The following STARD13 variants were observed in gnomAD, a reference collection of about 807,000 sequenced individuals.
STARD13 encodes the protein StAR related lipid transfer domain containing 13.
A neutral mutation model predicts 106.4 loss-of-function variants in STARD13; 62 were observed. That is an observed-to-expected ratio of 0.58 (90% CI 0.48 to 0.72). The LOEUF (loss-of-function observed/expected upper bound fraction) is 0.72. Among genes scored for constraint, STARD13 ranks in the 30% least tolerant of loss-of-function variants. The pLI is 0.00. For missense variants in STARD13, 1,387 were observed against 1,424.0 expected (o/e 0.97, Z 0.42); for synonymous variants, 565 against 553.0 (o/e 1.02, Z -0.31).
At chr13:33,273,307 G>A (rs143427737) in intron 1 of STARD13, among the ~76,000 whole-genome samples, 15 of 152,282 alleles carry the variant, frequency 9.9e-5, no homozygotes, top group African/African-American at 1.9e-4. Flanking sequence ...TATGACAACC[G>A]TTTTTCAGGG....
At chr13:33,110,662 T>C in intron 11 of STARD13, 24 bp downstream of exon 11, 1 of 1,596,850 alleles carries the variant, frequency 6.3e-7, no homozygotes, top group African/African-American at 1.3e-5. Context: ...CTGGGGGTGA[T>C]CTTTTTCCAT....
At chr13:33,614,008 A>T in the STARD13 span, among the ~76,000 whole-genome samples, 2 of 152,236 alleles carry the variant, frequency 1.3e-5, no homozygotes, top group Non-Finnish European at 2.9e-5. Flanking sequence ...AGTGCACATG[A>T]ACATAGTCAG....
At chr13:33,542,013 G>C in the STARD13 span, among the ~76,000 whole-genome samples, 131,564 of 152,260 alleles carry the variant, frequency 0.86, 57,013 homozygotes, top group African/African-American at 0.89. Context: ...GGCCACACCA[G>C]AAAACACAGA....
intron 7 of STARD13, among the ~76,000 whole-genome samples, chr13:33,121,240 G>A (rs1022336841): frequency 6.6e-6 from 1 of 152,118 alleles, no homozygotes; most frequent in Non-Finnish European, 1.5e-5. Flanking sequence ...ACACTGTGAC[G>A]GCAACGAGTG....
At chr13:33,179,692 G>A (rs971295563) in intron 1 of STARD13, among the ~76,000 whole-genome samples, 1 of 152,142 alleles carries the variant, frequency 6.6e-6, no homozygotes, top group Admixed American at 6.5e-5. Context: ...AACCAAGCAG[G>A]GATAGACAAA....
At chr13:33,666,030 G>C in the STARD13 span, among the ~76,000 whole-genome samples, 3 of 152,216 alleles carry the variant, frequency 2.0e-5, no homozygotes, top group Admixed American at 2.0e-4. Context: ...AGAAAGAGAA[G>C]CTGCTGCTAA....
the STARD13 span, among the ~76,000 whole-genome samples, chr13:33,606,028 G>A: frequency 4.5e-4 from 69 of 152,284 alleles, 1 homozygote; most frequent in South Asian, 0.014. Context: ...GGCCAAGCAC[G>A]GTGGGTCGTG....
chr13:33,371,425 GT>G, the STARD13 span, among the ~76,000 whole-genome samples: 49 of 152,282 alleles, frequency 3.2e-4, no homozygotes, highest in Admixed American at 5.2e-4. Context: ...TTTAAGCATT[GT>G]TTTTTCATGG....
At chr13:33,452,827 G>C in the STARD13 span, among the ~76,000 whole-genome samples, 1 of 152,172 alleles carries the variant, frequency 6.6e-6, no homozygotes, top group Non-Finnish European at 1.5e-5. Flanking sequence ...GAGTAACCTG[G>C]AACAGCGATG....
At chr13:33,465,809 GGATAATGTCTATTACATTAACGA>G in the STARD13 span, among the ~76,000 whole-genome samples, 1 of 152,074 alleles carries the variant, frequency 6.6e-6, no homozygotes, top group Non-Finnish European at 1.5e-5. Flanking sequence ...GTCCATGTAA[GGATAATGTCTATTACATTAACGA>G]GATACATGCA....
rs1426096060 is a variant in STARD13 at position 33,198,601 on chromosome 13, A to G, written c.170-30979T>C. Among the ~76,000 whole-genome samples the G allele has an allele frequency of 2.6e-5, 4 of 152,068 alleles. No homozygotes were observed. The East Asian group carries it at 5.8e-4, about 22-fold the overall frequency. On this transcript the variant is annotated intron_variant, in intron 1 of 13. Coordinates refer to ENST00000336934, the MANE Select transcript of STARD13 (RefSeq NM_178006.4). ...TTATTCCTTCTCTTTATCAGTTATC[A>G]CTAAAATAAACATAGTTCATTTATT... is the stretch of plus-strand genomic sequence containing the variant.
At chr13:33,192,712 A>G (rs778395091) in intron 1 of STARD13, among the ~76,000 whole-genome samples, 16 of 152,188 alleles carry the variant, frequency 1.1e-4, no homozygotes, top group Non-Finnish European at 1.9e-4. Flanking sequence ...CAACCTGACT[A>G]AAATGGAGAA....
At chr13:33,592,721 CA>C in the STARD13 span, among the ~76,000 whole-genome samples, 1 of 152,184 alleles carries the variant, frequency 6.6e-6, no homozygotes, top group Non-Finnish European at 1.5e-5. Context: ...CTTCCCAGTC[CA>C]ATTTTCTGAC....
chr13:33,476,164 G>A, the STARD13 span, among the ~76,000 whole-genome samples: 8 of 151,792 alleles, frequency 5.3e-5, no homozygotes, highest in African/African-American at 9.7e-5. Flanking sequence ...ATATTGACTC[G>A]GATTTCCCTC....
Position 33,196,629 on chromosome 13 carries a change from G to C in STARD13, c.170-29007C>G, listed in dbSNP as rs554001416. Among the ~76,000 whole-genome samples the C allele has an allele frequency of 1.8e-4, 28 of 152,288 alleles. No homozygotes were observed. The South Asian group carries it at 5.6e-3, about 30-fold the overall frequency. On this transcript the variant is annotated intron_variant, in intron 1 of 13. Transcript: ENST00000336934. ...CGGCAGCCGACATGGACTCGATTGAGAGACTGTGAGCTACATTGCTTATCT... is the reference window on the plus strand; with the variant it reads ...CGGCAGCCGACATGGACTCGATTGACAGACTGTGAGCTACATTGCTTATCT...
the STARD13 span, among the ~76,000 whole-genome samples, chr13:33,488,628 T>A: frequency 6.6e-6 from 1 of 152,242 alleles, no homozygotes; most frequent in African/African-American, 2.4e-5. Context: ...ATGAATTCTA[T>A]GCTTTTTCTT....
chr13:33,631,936 A>G, the STARD13 span, among the ~76,000 whole-genome samples: 2 of 152,220 alleles, frequency 1.3e-5, no homozygotes, highest in African/African-American at 4.8e-5. Context: ...TGAAATAAGA[A>G]GAAAATCACC....
intron 1 of STARD13, among the ~76,000 whole-genome samples, chr13:33,167,987 T>A (rs1323277771): frequency 7.0e-6 from 1 of 142,734 alleles, no homozygotes; most frequent in Non-Finnish European, 1.5e-5. Flanking sequence ...ATTCTTTTTT[T>A]TTTTAATGGA....
At chr13:33,578,861 A>G in the STARD13 span, among the ~76,000 whole-genome samples, 1 of 152,138 alleles carries the variant, frequency 6.6e-6, no homozygotes, top group African/African-American at 2.4e-5. Flanking sequence ...CAATCCTCAA[A>G]AGAAGATATA....
Sources: gnomAD v4.1 joint callset for allele counts (sites outside exome capture counted in the v4.1 genomes callset) on GRCh38, gnomAD v4.1.1 for gene constraint, MANE v1.5 for transcripts, NCBI Gene and HGNC (gene_info 2026-07-23, HGNC 2026-07-21) for gene names.